BACH1: variants seen among roughly 807,000 people sequenced by gnomAD.
BACH1 encodes the protein transcription regulator protein BACH1.
In BACH1, 35 loss-of-function variants were observed where a neutral mutation model predicts 52.9. The observed-to-expected ratio is 0.66, with a 90% confidence interval of 0.51 to 0.88. The LOEUF is 0.88. Among genes scored for constraint, BACH1 ranks in the 40% least tolerant of loss-of-function variants. The probability of loss-of-function intolerance (pLI) is 0.00; values close to 1 mark genes in which losing one functional copy is unlikely to be tolerated. For synonymous variants in BACH1, 321 were observed against 319.6 expected, an observed-to-expected ratio of 1.00 and a Z score of -0.05; for missense variants, 808 against 872.6, an observed-to-expected ratio of 0.93 and a Z score of 0.93.
chr21:29,327,668 A>C (rs2088930372), intron 3 of BACH1, among the ~76,000 whole-genome samples: 1 of 152,224 alleles, frequency 6.6e-6, no homozygotes, highest in South Asian at 2.1e-4. Flanking sequence ...CGTCTCTACA[A>C]AAATTAGCTG....
downstream of BACH1, among the ~76,000 whole-genome samples, chr21:29,347,908 AG>A (rs537321678): frequency 1.9e-3 from 287 of 152,348 alleles, 2 homozygotes; most frequent in African/African-American, 6.6e-3. Context: ...ATGAAAGTCC[AG>A]GAATAAAATG....
At chr21:29,338,073 AT>A (rs2089067075) in intron 4 of BACH1, among the ~76,000 whole-genome samples, 1 of 151,874 alleles carries the variant, frequency 6.6e-6, no homozygotes, top group African/African-American at 2.4e-5. Flanking sequence ...TAAATAAACA[AT>A]AAAATAAAAA....
At chr21:29,349,933 G>A (rs1283080816), downstream of BACH1, among the ~76,000 whole-genome samples, 3 of 152,052 alleles carry the variant, frequency 2.0e-5, no homozygotes, top group Admixed American at 6.5e-5. Context: ...TATGAGAGGC[G>A]CTCCATATCT....
At chr21:29,318,672 A>G (rs2088815048) in intron 1 of BACH1, among the ~76,000 whole-genome samples, 1 of 152,224 alleles carries the variant, frequency 6.6e-6, no homozygotes, top group Admixed American at 6.5e-5. Flanking sequence ...AGCTGGTGGC[A>G]GGATGAGAAG....
chr21:29,313,740 A>T (rs996616248), intron 1 of BACH1, among the ~76,000 whole-genome samples: 1 of 152,218 alleles, frequency 6.6e-6, no homozygotes, highest in Non-Finnish European at 1.5e-5. Flanking sequence ...TTCTATTTGT[A>T]TAAAAAGAAA....
chr21:29,345,771 T>C lies in BACH1; in HGVS notation c.*2938T>C, dbSNP rs962859746. 1.5e-4 allele frequency: 23 copies of C among 152,660 alleles called. No homozygotes were observed. The highest frequency in any genetic ancestry group is 5.5e-4 in the African/African-American group (23 of 41,466). 9.5% of individuals were successfully genotyped at this position (152,660 alleles called of 1,614,324 possible). A position where few individuals can be genotyped will look rare whatever the true frequency, so the allele number is the denominator to read the frequency against. On this transcript the variant is annotated 3_prime_UTR_variant, in exon 5 of 5. Transcript: ENST00000286800. ...TTCTCAGGTGAACTTTTTTCAGTTATAAAACATCTATTTTGAATCTGTAAA... is the reference window on the plus strand; with the variant it reads ...TTCTCAGGTGAACTTTTTTCAGTTACAAAACATCTATTTTGAATCTGTAAA...
chr21:29,339,690 C>T (rs1213527891), intron 4 of BACH1, among the ~76,000 whole-genome samples: 2 of 141,036 alleles, frequency 1.4e-5, no homozygotes, highest in East Asian at 2.1e-4. Flanking sequence ...TGGAGTGCAG[C>T]GGCACAATCT....
At chr21:29,300,556 C>T (rs1045108916) in intron 1 of BACH1, among the ~76,000 whole-genome samples, 18 of 152,136 alleles carry the variant, frequency 1.2e-4, no homozygotes, top group African/African-American at 3.6e-4. Context: ...GACCTGCTGT[C>T]TGAGAATAAA....
intron 2 of BACH1, among the ~76,000 whole-genome samples, chr21:29,325,746 A>ATT (rs924652003): frequency 6.7e-6 from 1 of 150,122 alleles, no homozygotes; most frequent in East Asian, 1.9e-4. Flanking sequence ...TTCATAGATG[A>ATT]TTTTTTTTTT....
At chr21:29,304,958 C>T (rs1387890144) in intron 1 of BACH1, among the ~76,000 whole-genome samples, 3 of 152,102 alleles carry the variant, frequency 2.0e-5, no homozygotes, top group Admixed American at 2.0e-4. Flanking sequence ...GTTGTAATTT[C>T]ATTAATGTGT....
intron 2 of BACH1, among the ~76,000 whole-genome samples, chr21:29,325,743 A>G (rs138314299): frequency 6.6e-6 from 1 of 152,060 alleles, no homozygotes; most frequent in Non-Finnish European, 1.5e-5. Context: ...TAATTCATAG[A>G]TGATTTTTTT....
chr21:29,314,479 A>G (rs972445356), intron 1 of BACH1, among the ~76,000 whole-genome samples: 5 of 152,240 alleles, frequency 3.3e-5, no homozygotes, highest in African/African-American at 1.2e-4. Context: ...CAAAAGGTCC[A>G]TGACTTAACT....
Position 29,326,310 on chromosome 21 carries a change from G to C in BACH1, c.486G>C (p.Gln162His). Residue 162 changes from glutamine to histidine, a missense_variant, in exon 3 of 5, where the codon CAG becomes CAC. By Grantham distance (24) the Gln-to-His change is conservative. Transcript: ENST00000286800. ...KTDLKLSLLD[Q>H]RDLETDEVEE... is the part of the protein sequence containing the mutation. ...ACCTTAAACTTTCACTTTTGGACCA[G>C]AGGGATCTAGAAACTGATGAAGTGG... 1 of 1,614,190 alleles carries C rather than the reference G, an allele frequency of 6.2e-7. No homozygotes were observed. The highest frequency in any genetic ancestry group is 8.5e-7 in the Non-Finnish European group (1 of 1,180,030).
At chr21:29,337,264 A>C (rs2089055783) in intron 4 of BACH1, among the ~76,000 whole-genome samples, 1 of 152,176 alleles carries the variant, frequency 6.6e-6, no homozygotes, top group Non-Finnish European at 1.5e-5. Context: ...GGACTTTGGA[A>C]AGCCTACCTG....
chr21:29,348,111 A>T (rs374375533), downstream of BACH1, among the ~76,000 whole-genome samples: 89 of 152,312 alleles, frequency 5.8e-4, no homozygotes, highest in African/African-American at 2.1e-3. Context: ...AGAAAAATAA[A>T]TCCCAAGACT....
intron 4 of BACH1, 94 bp from the exon 5 acceptor site, chr21:29,342,305 T>G (rs1406296046): frequency 2.4e-6 from 3 of 1,240,536 alleles, no homozygotes; most frequent in Non-Finnish European, 3.4e-6. Flanking sequence ...TGATCTTACT[T>G]GATGAGAAGC....
chr21:29,350,058 C>T (rs967289276), downstream of BACH1, among the ~76,000 whole-genome samples: 1 of 151,790 alleles, frequency 6.6e-6, no homozygotes, highest in Non-Finnish European at 1.5e-5. Flanking sequence ...AAAAACACCA[C>T]AAGCCACAAC....
At chr21:29,361,289 C>T (rs1386138751) in intron 2 of BACH1, 1 of 152,174 alleles carries the variant, frequency 6.6e-6, no homozygotes, top group African/African-American at 2.4e-5. Flanking sequence ...GATGTTTTTG[C>T]ACCTGCTCCA....
At chr21:29,306,302 G>A (rs1175161324) in intron 1 of BACH1, among the ~76,000 whole-genome samples, 1 of 151,414 alleles carries the variant, frequency 6.6e-6, no homozygotes, top group Non-Finnish European at 1.5e-5. Flanking sequence ...TTGCAAGATG[G>A]CTGCCACAAG....
Sources: allele counts gnomAD v4.1 joint callset (sites outside exome capture counted in the v4.1 genomes callset), GRCh38; gene constraint gnomAD v4.1.1; transcripts MANE v1.5; gene names NCBI Gene and HGNC (gene_info 2026-07-23, HGNC 2026-07-21).